The following UBE2D3 variants were observed in gnomAD, a reference collection of about 807,000 sequenced individuals.
UBE2D3 encodes ubiquitin-conjugating enzyme E2 D3.
UBE2D3 carries 2 observed loss-of-function variants against 22.8 expected under a neutral mutation model. That is an observed-to-expected ratio of 0.09 (90% confidence interval 0.04 to 0.28). UBE2D3 has a LOEUF of 0.28. UBE2D3 is among the 10% of genes least tolerant of loss of function. The pLI, the probability that UBE2D3 is intolerant of heterozygous loss-of-function variation, is 1.00. For missense variants in UBE2D3, 27 were observed against 182.5 expected (o/e 0.15, Z 4.91); for synonymous variants, 56 against 60.4 (o/e 0.93, Z 0.34).
At chr4:102,804,175 C>T (rs932109331) in intron 4 of UBE2D3, among the ~76,000 whole-genome samples, 10 of 151,896 alleles carry the variant, frequency 6.6e-5, no homozygotes, top group Admixed American at 2.0e-4. Flanking sequence ...ACAAACAAGA[C>T]GCAGAATATC....
chr4:102,833,043 T>G (rs1010230786), intron 1 of UBE2D3, among the ~76,000 whole-genome samples: 3 of 151,174 alleles, frequency 2.0e-5, no homozygotes, highest in African/African-American at 4.9e-5. Context: ...TATGATATTC[T>G]AATAAAATAA....
chr4:102,829,634 G>A (rs1184104810), upstream of UBE2D3, among the ~76,000 whole-genome samples: 1 of 152,166 alleles, frequency 6.6e-6, no homozygotes, highest in Non-Finnish European at 1.5e-5. Context: ...GACATTAACT[G>A]GCCATAGTGT....
At chr4:102,842,416 A>G (rs1383436966) in intron 1 of UBE2D3, among the ~76,000 whole-genome samples, 1 of 151,956 alleles carries the variant, frequency 6.6e-6, no homozygotes, top group East Asian at 1.9e-4. Flanking sequence ...AACGCTGGGC[A>G]TGGTGGTGCA....
At chr4:102,803,969 AT>A (rs1410926916) in intron 4 of UBE2D3, among the ~76,000 whole-genome samples, 3 of 152,012 alleles carry the variant, frequency 2.0e-5, no homozygotes, top group Non-Finnish European at 4.4e-5. Flanking sequence ...GAGTTTCACC[AT>A]GTTGGCCAGG....
chr4:102,802,815 A>C, intron 4 of UBE2D3, 177 bp from the exon 5 acceptor site: 1 of 414,548 alleles, frequency 2.4e-6, no homozygotes, highest in East Asian at 3.6e-5. Context: ...TAAAACTTAT[A>C]CAGTAATAAA....
chr4:102,816,618 T>C (rs1218689880), intron 2 of UBE2D3, among the ~76,000 whole-genome samples: 4 of 152,210 alleles, frequency 2.6e-5, no homozygotes, highest in Admixed American at 6.5e-5. Context: ...ATACCAATTA[T>C]GTAGATTTTA....
intron 2 of UBE2D3, among the ~76,000 whole-genome samples, chr4:102,826,029 AT>A: frequency 6.6e-6 from 1 of 152,034 alleles, no homozygotes; most frequent in Non-Finnish European, 1.5e-5. Context: ...GACTCGCCAG[AT>A]TTTTTTTCTC....
chr4:102,802,785 T>A, intron 4 of UBE2D3, 147 bp from the exon 5 acceptor site: 2 of 504,768 alleles, frequency 4.0e-6, no homozygotes, highest in East Asian at 6.7e-5. Flanking sequence ...AAATTCAGTC[T>A]ATAGTAATAG....
intron 6 of UBE2D3, 105 bp from the exon 7 acceptor site, chr4:102,799,605 G>T: frequency 2.6e-6 from 2 of 755,278 alleles, no homozygotes; most frequent in Non-Finnish European, 2.1e-6. Context: ...ACTTTTATTA[G>T]TTTGTATCTT....
intron 2 of UBE2D3, among the ~76,000 whole-genome samples, chr4:102,819,147 A>T (rs1305844511): frequency 6.6e-6 from 1 of 152,136 alleles, no homozygotes; most frequent in Non-Finnish European, 1.5e-5. Flanking sequence ...CCTGGCCAAC[A>T]TCGTGAAATC....
At chr4:102,823,645 T>A (rs1482505525) in intron 2 of UBE2D3, among the ~76,000 whole-genome samples, 1 of 152,226 alleles carries the variant, frequency 6.6e-6, no homozygotes, top group Non-Finnish European at 1.5e-5. Flanking sequence ...CAGCTCTCAA[T>A]ACCAATCAAC....
upstream of UBE2D3, among the ~76,000 whole-genome samples, chr4:102,832,088 T>G (rs1731144124): frequency 2.0e-5 from 3 of 152,150 alleles, no homozygotes; most frequent in South Asian, 6.2e-4. Flanking sequence ...CAGAGCACTA[T>G]TAATGTACTG....
At chr4:102,861,391 G>T (rs1208495544) in intron 1 of UBE2D3, among the ~76,000 whole-genome samples, 1 of 151,976 alleles carries the variant, frequency 6.6e-6, no homozygotes, top group Non-Finnish European at 1.5e-5. Context: ...GTCAGTCAGG[G>T]TGCCTTTAAT....
intron 7 of UBE2D3, among the ~76,000 whole-genome samples, chr4:102,798,277 TG>T (rs1725521048): frequency 7.8e-6 from 1 of 127,750 alleles, no homozygotes; most frequent in Admixed American, 7.9e-5. Context: ...CCTTAAGAAA[TG>T]AATATATATA....
At chr4:102,846,056 G>C (rs1363214822) in intron 1 of UBE2D3, among the ~76,000 whole-genome samples, 1 of 152,178 alleles carries the variant, frequency 6.6e-6, no homozygotes, top group Non-Finnish European at 1.5e-5. Flanking sequence ...CTCCCAAAGT[G>C]CTGTGATTAC....
At chr4:102,868,386 C>T (rs1267345158) in intron 1 of UBE2D3, among the ~76,000 whole-genome samples, 2 of 152,220 alleles carry the variant, frequency 1.3e-5, no homozygotes, top group East Asian at 3.9e-4. Flanking sequence ...ATTCTTTTAC[C>T]ACTTTCCCGA....
chr4:102,846,920 A>C (rs1165925598), intron 1 of UBE2D3, among the ~76,000 whole-genome samples: 1 of 152,008 alleles, frequency 6.6e-6, no homozygotes, highest in Non-Finnish European at 1.5e-5. Context: ...CTGGGATTAC[A>C]GGCATGAGCT....
intron 2 of UBE2D3, chr4:102,819,621 C>G (rs948545320): frequency 5.1e-6 from 5 of 985,206 alleles, no homozygotes; most frequent in African/African-American, 1.7e-5. Context: ...TTTCATCCCC[C>G]CAAGGCTTGT....
chr4:102,865,321 G>T (rs534353428), intron 1 of UBE2D3, among the ~76,000 whole-genome samples: 3 of 151,852 alleles, frequency 2.0e-5, no homozygotes, highest in Non-Finnish European at 4.4e-5. Flanking sequence ...GTGAAACCTC[G>T]TCTCTACTAA....
Sources: gnomAD v4.1 joint callset for allele counts (sites outside exome capture counted in the v4.1 genomes callset) on GRCh38, gnomAD v4.1.1 for gene constraint, MANE v1.5 for transcripts, NCBI Gene and HGNC (gene_info 2026-07-23, HGNC 2026-07-21) for gene names.